The following HIVEP2 variants were observed in gnomAD, a reference collection of about 807,000 sequenced individuals.
HIVEP2 encodes transcription factor HIVEP2.
HIVEP2 carries 14 observed loss-of-function variants against 180.7 expected under a neutral mutation model. The ratio of observed to expected loss-of-function variants is 0.08; its 90% CI spans 0.05 to 0.12. The LOEUF (loss-of-function observed/expected upper bound fraction) is 0.12, where lower values mean the gene tolerates loss of function less well. HIVEP2 is among the 10% of genes least tolerant of loss of function. The pLI, the probability that HIVEP2 is intolerant of heterozygous loss-of-function variation, is 1.00. For missense variants in HIVEP2, 2,579 were observed against 3,008.5 expected, an observed-to-expected ratio of 0.86 and a Z score of 3.34; for synonymous variants, 1,184 against 1,136.4, an observed-to-expected ratio of 1.04 and a Z score of -0.84.
intron 4 of HIVEP2, among the ~76,000 whole-genome samples, chr6:142,775,833 C>CAA (rs11369540): frequency 0.013 from 1,926 of 148,416 alleles, 40 homozygotes; most frequent in African/African-American, 0.042. Flanking sequence ...GACTCCATCT[C>CAA]AAAAAAAAAC....
At chr6:142,898,592 G>A (rs1399346241) in intron 1 of HIVEP2, among the ~76,000 whole-genome samples, 4 of 152,174 alleles carry the variant, frequency 2.6e-5, no homozygotes, top group African/African-American at 9.7e-5. Flanking sequence ...ATCTCAGGAG[G>A]TGGAGGTTGC....
At chr6:142,831,137 T>G (rs1775069363) in intron 2 of HIVEP2, among the ~76,000 whole-genome samples, 1 of 151,680 alleles carries the variant, frequency 6.6e-6, no homozygotes, top group Non-Finnish European at 1.5e-5. Context: ...GGGTCGAGGG[T>G]CCTAAGAAAA....
At chr6:142,779,988 T>G (rs1452939904) in intron 3 of HIVEP2, among the ~76,000 whole-genome samples, 1 of 152,192 alleles carries the variant, frequency 6.6e-6, no homozygotes, top group African/African-American at 2.4e-5. Context: ...TGTTTAATTT[T>G]TAGGAGAAGG....
At chr6:142,793,737 A>C (rs1776216499) in intron 2 of HIVEP2, among the ~76,000 whole-genome samples, 1 of 142,922 alleles carries the variant, frequency 7.0e-6, no homozygotes, top group South Asian at 2.2e-4. Context: ...GACAGGGTCC[A>C]GCTCTGTCAC....
At chr6:142,913,547 G>A (rs367607913) in intron 1 of HIVEP2, among the ~76,000 whole-genome samples, 35 of 152,276 alleles carry the variant, frequency 2.3e-4, no homozygotes, top group African/African-American at 7.9e-4. Context: ...AAGTTTCTAG[G>A]CACTTTCCCA....
intron 3 of HIVEP2, among the ~76,000 whole-genome samples, 185 bp from the exon 4 acceptor site, chr6:142,776,376 C>T (rs1300161437): frequency 6.6e-6 from 1 of 152,176 alleles, no homozygotes; most frequent in Admixed American, 6.5e-5. Flanking sequence ...TACACTGACA[C>T]TGTGACTCAA....
chr6:142,909,082 TGTCTC>T (rs1342033359), intron 1 of HIVEP2, among the ~76,000 whole-genome samples: 4 of 152,176 alleles, frequency 2.6e-5, no homozygotes, highest in Non-Finnish European at 5.9e-5. Context: ...TAAACGTTAT[TGTCTC>T]TACTATATGG....
chr6:142,870,044 G>A (rs1287120975), intron 1 of HIVEP2, among the ~76,000 whole-genome samples: 3 of 151,928 alleles, frequency 2.0e-5, no homozygotes, highest in African/African-American at 4.8e-5. Context: ...AAAACCATCT[G>A]GCAGCCGTGA....
At chr6:142,767,296 C>T (rs968069597) in intron 6 of HIVEP2, among the ~76,000 whole-genome samples, 2 of 151,890 alleles carry the variant, frequency 1.3e-5, no homozygotes, top group Admixed American at 1.3e-4. Flanking sequence ...TGGGGGATGT[C>T]AAAAAAATAT....
At chr6:142,801,528 T>C (rs1264270091) in intron 2 of HIVEP2, among the ~76,000 whole-genome samples, 7 of 151,668 alleles carry the variant, frequency 4.6e-5, no homozygotes, top group African/African-American at 7.3e-5. Flanking sequence ...ATTACAAGAA[T>C]CTAAGCGAAT....
chr6:142,788,096 A>G (rs1445022810), intron 2 of HIVEP2: 1 of 152,256 alleles, frequency 6.6e-6, no homozygotes, highest in Non-Finnish European at 1.5e-5. Flanking sequence ...ACTAGTGAAA[A>G]CAAACAAAAA....
intron 2 of HIVEP2, among the ~76,000 whole-genome samples, chr6:142,791,056 T>C (rs534755397): frequency 6.6e-6 from 1 of 152,300 alleles, no homozygotes; most frequent in South Asian, 2.1e-4. Flanking sequence ...GCTGAAAGAA[T>C]CAATTCTATT....
chr6:142,870,940 A>T (rs1776277163), intron 1 of HIVEP2, among the ~76,000 whole-genome samples: 2 of 152,210 alleles, frequency 1.3e-5, no homozygotes, highest in South Asian at 4.1e-4. Flanking sequence ...CAAGCAATGT[A>T]CAATTACCAT....
At chr6:142,919,483 A>G (rs1777639137) in intron 1 of HIVEP2, among the ~76,000 whole-genome samples, 1 of 152,216 alleles carries the variant, frequency 6.6e-6, no homozygotes, top group African/African-American at 2.4e-5. Context: ...AATGTCTTCT[A>G]TGCAAATCTA....
At chr6:142,880,997 T>C (rs1056095490) in intron 1 of HIVEP2, among the ~76,000 whole-genome samples, 12 of 152,292 alleles carry the variant, frequency 7.9e-5, no homozygotes, top group East Asian at 1.9e-4. Flanking sequence ...TCATTTTTTT[T>C]CCCCATACTA....
chr6:142,865,554 C>A (rs569366562), intron 1 of HIVEP2, among the ~76,000 whole-genome samples: 9 of 152,116 alleles, frequency 5.9e-5, no homozygotes, highest in Non-Finnish European at 1.3e-4. Flanking sequence ...GAACGTACCA[C>A]CTCTTCTCTC....
At chr6:142,815,135 A>T (rs1288637942) in intron 2 of HIVEP2, among the ~76,000 whole-genome samples, 1 of 152,152 alleles carries the variant, frequency 6.6e-6, no homozygotes, top group Admixed American at 6.6e-5. Flanking sequence ...AACAGCATTA[A>T]TCCATTCATG....
At chr6:142,762,876 T>G (rs981768999) in intron 7 of HIVEP2, among the ~76,000 whole-genome samples, 3 of 152,172 alleles carry the variant, frequency 2.0e-5, no homozygotes, top group African/African-American at 7.2e-5. Context: ...AGGCCCCCAC[T>G]CCTCCTATTT....
At chr6:142,756,457 C>T (rs1775071173) in intron 9 of HIVEP2, among the ~76,000 whole-genome samples, 1 of 152,184 alleles carries the variant, frequency 6.6e-6, no homozygotes, top group Non-Finnish European at 1.5e-5. Context: ...CAAAAATCTG[C>T]ATGGGCCACC....
Sources: allele counts gnomAD v4.1 joint callset (sites outside exome capture counted in the v4.1 genomes callset), GRCh38; gene constraint gnomAD v4.1.1; transcripts MANE v1.5; gene names NCBI Gene and HGNC (gene_info 2026-07-23, HGNC 2026-07-21).